ADGRG6: variants seen among roughly 807,000 people sequenced by gnomAD.
ADGRG6 encodes G-protein coupled receptor 126.
Under a neutral mutation model 142.4 loss-of-function variants are expected in ADGRG6, and 84 were observed. The ratio of observed to expected loss-of-function variants is 0.59; its 90% CI spans 0.49 to 0.71. The LOEUF is 0.71. ADGRG6 is among the 30% of genes least tolerant of loss of function. The probability of loss-of-function intolerance (pLI) is 0.00; values close to 1 mark genes in which losing one functional copy is unlikely to be tolerated. For missense variants in ADGRG6, 1,367 were observed against 1,466.6 expected (o/e 0.93, Z 1.11); for synonymous variants, 521 against 520.5 (o/e 1.00, Z -0.01).
intron 2 of ADGRG6, among the ~76,000 whole-genome samples, chr6:142,360,689 C>T (rs1351781199): frequency 1.3e-5 from 2 of 152,056 alleles, no homozygotes; most frequent in African/African-American, 2.4e-5. Context: ...GACACAGTTT[C>T]GCTCTGTCAC....
At chr6:142,440,806 G>T (rs1777722215) in intron 24 of ADGRG6, 1 of 642,942 alleles carries the variant, frequency 1.6e-6, no homozygotes. Context: ...TTAGCATCCT[G>T]GGATCACTCA....
chr6:142,338,568 T>C (rs545038194), intron 2 of ADGRG6, among the ~76,000 whole-genome samples: 1 of 151,728 alleles, frequency 6.6e-6, no homozygotes, highest in East Asian at 1.9e-4. Context: ...ATAATAGTAG[T>C]TAATCGATAT....
chr6:142,439,042 T>C (rs1198971337), intron 24 of ADGRG6, among the ~76,000 whole-genome samples: 1 of 152,170 alleles, frequency 6.6e-6, no homozygotes, highest in Non-Finnish European at 1.5e-5. Flanking sequence ...TCCCAGCTGC[T>C]CTGGAGGCTG....
chr6:142,427,420 A>C (rs1776998117), intron 22 of ADGRG6, among the ~76,000 whole-genome samples: 1 of 152,104 alleles, frequency 6.6e-6, no homozygotes, highest in African/African-American at 2.4e-5. Context: ...CCATGAGACC[A>C]CCTCAGCCTT....
intron 2 of ADGRG6, among the ~76,000 whole-genome samples, chr6:142,338,251 G>A (rs781124244): frequency 3.8e-4 from 58 of 150,862 alleles, no homozygotes; most frequent in African/African-American, 1.2e-3. Context: ...CTCGTGATCC[G>A]TCCGCCTCGG....
chr6:142,313,805 A>G (rs570854094), intron 2 of ADGRG6, among the ~76,000 whole-genome samples: 1 of 152,176 alleles, frequency 6.6e-6, no homozygotes, highest in Non-Finnish European at 1.5e-5. Context: ...TTACATTGCA[A>G]TCTATATTTA....
intron 22 of ADGRG6, among the ~76,000 whole-genome samples, chr6:142,427,421 C>T (rs1404324857): frequency 6.6e-6 from 1 of 152,140 alleles, no homozygotes; most frequent in Admixed American, 6.6e-5. Flanking sequence ...CATGAGACCA[C>T]CTCAGCCTTG....
At position 142,305,460 on chromosome 6, in the gene ADGRG6, AC is replaced by A. The variant is rs1777447982; in HGVS notation, c.2+3130del. On this transcript the variant is annotated intron_variant, in intron 1 of 24. Transcript: ENST00000367609. The stretch of plus-strand genomic sequence containing the variant: ...CACACACACACACACACACACACAC[AC>A]ACACACACAATTTTTTTCTGAACCA... 2.9e-5 allele frequency among the ~76,000 whole-genome samples: 4 copies of A among 136,614 alleles called. No homozygotes were observed. In the South Asian group the frequency reaches 9.8e-4, roughly 33 times the overall value. The allele number at this position is 136,614 out of a possible 152,430, so 89.6% of individuals were successfully genotyped here.
At chr6:142,397,088 GAT>G (rs1308607356) in intron 9 of ADGRG6, among the ~76,000 whole-genome samples, 1 of 152,092 alleles carries the variant, frequency 6.6e-6, no homozygotes, top group Non-Finnish European at 1.5e-5. Flanking sequence ...GCCTCATGGA[GAT>G]AGAAAATCAT....
chr6:142,425,010 A>G (rs1386295044), intron 22 of ADGRG6, among the ~76,000 whole-genome samples: 1 of 152,174 alleles, frequency 6.6e-6, no homozygotes, highest in Admixed American at 6.6e-5. Context: ...GCTATAGTTG[A>G]TGATTACAGT....
intron 2 of ADGRG6, among the ~76,000 whole-genome samples, chr6:142,330,859 A>ATAT (rs1779022085): frequency 6.6e-6 from 1 of 152,158 alleles, no homozygotes. Context: ...AATTTATTAT[A>ATAT]CATCAGAGGA....
At position 142,425,965 on chromosome 6, in the gene ADGRG6, C is replaced by G. The variant is rs150501488; in HGVS notation, c.3319+5861C>G. ...ATAACAGCCCAGGAAAGACTTGCCC[C>G]CATAATTCAATCACCTTCCACTGGG... On this transcript the variant is annotated intron_variant, in intron 22 of 24. Transcript: ENST00000367609. Among the ~76,000 whole-genome samples the G allele has an allele frequency of 1.3e-4, 20 of 152,222 alleles. 2 individuals are homozygous for G. In the East Asian group the frequency reaches 3.1e-3, roughly 24 times the overall value.
chr6:142,302,747 T>C (rs1206494164), intron 1 of ADGRG6: 1 of 207,598 alleles, frequency 4.8e-6, no homozygotes, highest in Non-Finnish European at 9.5e-6. Flanking sequence ...AAGGTACTAG[T>C]ATGCCGAGAA....
chr6:142,398,757 T>C (rs1312739987), intron 10 of ADGRG6, among the ~76,000 whole-genome samples: 1 of 152,184 alleles, frequency 6.6e-6, no homozygotes, highest in African/African-American at 2.4e-5. Flanking sequence ...AAATAAAGTA[T>C]AGACATCACT....
intron 15 of ADGRG6, among the ~76,000 whole-genome samples, chr6:142,406,075 A>G (rs1775789006): frequency 6.6e-6 from 1 of 152,178 alleles, no homozygotes; most frequent in African/African-American, 2.4e-5. Flanking sequence ...GCATTAAACA[A>G]TTAGAAATTG....
intron 2 of ADGRG6, among the ~76,000 whole-genome samples, chr6:142,313,821 TAAATC>T (rs753212972): frequency 6.6e-6 from 1 of 152,196 alleles, no homozygotes; most frequent in Non-Finnish European, 1.5e-5. Context: ...ATTTAAGAAT[TAAATC>T]AAAGTTTGGT....
At chr6:142,379,542 C>T (rs1208070846) in intron 4 of ADGRG6, among the ~76,000 whole-genome samples, 8 of 152,068 alleles carry the variant, frequency 5.3e-5, no homozygotes, top group Non-Finnish European at 7.4e-5. Flanking sequence ...CCGAGGCGGG[C>T]GGATCACGAG....
intron 22 of ADGRG6, among the ~76,000 whole-genome samples, chr6:142,435,887 C>G (rs543404610): frequency 6.6e-6 from 1 of 152,132 alleles, no homozygotes; most frequent in South Asian, 2.1e-4. Flanking sequence ...TGGTCTGAGA[C>G]CAGAATGACA....
chr6:142,438,337 A>G lies in ADGRG6; in HGVS notation c.3547A>G (p.Thr1183Ala). ...LTSKSKSSST[T>A]YFKRNSHTDS... ...ATCCAAATCTAAATCCAGCTCTACC[A>G]CCTATTTCAAAAGGAATAGCCACAC... Residue 1183 changes from threonine to alanine, a missense_variant, in exon 24 of 25, where the codon ACC becomes GCC. Coordinates refer to ENST00000367609, the MANE Select transcript of ADGRG6 (RefSeq NM_198569.3). 6.2e-7 allele frequency: 1 copy of G among 1,609,282 alleles called. No individual in the cohort carries two copies. The highest frequency in any genetic ancestry group is 1.1e-5 in the South Asian group (1 of 90,290).
Sources: allele counts gnomAD v4.1 joint callset (sites outside exome capture counted in the v4.1 genomes callset), GRCh38; gene constraint gnomAD v4.1.1; transcripts MANE v1.5; gene names NCBI Gene and HGNC (gene_info 2026-07-23, HGNC 2026-07-21).